ATP8A1: variants seen among roughly 807,000 people sequenced by gnomAD.
The protein encoded by ATP8A1 is ATPase phospholipid transporting 8A1.
ATP8A1 carries 90 observed loss-of-function variants against 177.7 expected under a neutral mutation model. That is an observed-to-expected ratio of 0.51 (90% CI 0.43 to 0.60). The LOEUF is 0.60. ATP8A1 is among the 20% of genes least tolerant of loss of function. The pLI is 0.00. For synonymous variants in ATP8A1, 493 were observed against 485.9 expected, an observed-to-expected ratio of 1.01 and a Z score of -0.19; for missense variants, 1,072 against 1,392.8, an observed-to-expected ratio of 0.77 and a Z score of 3.67.
intron 24 of ATP8A1, among the ~76,000 whole-genome samples, chr4:42,499,023 T>C (rs1387585224): frequency 2.0e-5 from 3 of 152,168 alleles, no homozygotes; most frequent in African/African-American, 7.2e-5. Flanking sequence ...CCCTATAAAG[T>C]CCTCAATCTA....
In ATP8A1 at chr4:42,616,029, C is replaced by G. The variant is rs1560522595; in HGVS notation, c.409+4G>C. ...TATGAGAAAAAAGCATGTAAAATTC[C>G]TACCTTGCGTTTGTTTCTTGTTCAC... On this transcript the variant is annotated splice_donor_region_variant and intron_variant, in intron 5 of 36. Transcript: ENST00000381668. 6.2e-7 allele frequency: 1 copy of G among 1,610,846 alleles called. No individual in the cohort carries two copies. Among genetic ancestry groups the G allele is most frequent in the East Asian group, 2.2e-5 (1 of 44,728 alleles).
At chr4:42,483,113 C>T (rs922455714) in intron 25 of ATP8A1, among the ~76,000 whole-genome samples, 1 of 152,076 alleles carries the variant, frequency 6.6e-6, no homozygotes, top group Non-Finnish European at 1.5e-5. Flanking sequence ...CTATTCCTAT[C>T]CAGGGATAGA....
intron 25 of ATP8A1, among the ~76,000 whole-genome samples, chr4:42,484,572 A>C (rs1252906950): frequency 6.6e-6 from 1 of 152,196 alleles, no homozygotes; most frequent in African/African-American, 2.4e-5. Flanking sequence ...ATTTAAGTGA[A>C]TAAACCCAGA....
chr4:42,645,060 T>G (rs933087635), intron 1 of ATP8A1, among the ~76,000 whole-genome samples: 4 of 152,148 alleles, frequency 2.6e-5, no homozygotes, highest in Non-Finnish European at 5.9e-5. Flanking sequence ...GTAATGACAC[T>G]GCAGAAAAGC....
intron 22 of ATP8A1, among the ~76,000 whole-genome samples, chr4:42,512,862 G>A (rs1168405297): frequency 6.6e-6 from 1 of 152,184 alleles, no homozygotes; most frequent in East Asian, 1.9e-4. Context: ...TATGAGAACT[G>A]CTGATCTAGA....
chr4:42,504,486 C>T (rs780391799), intron 23 of ATP8A1, among the ~76,000 whole-genome samples: 28 of 152,230 alleles, frequency 1.8e-4, no homozygotes, highest in African/African-American at 4.1e-4. Context: ...TTCTCTCATA[C>T]TCTACATCTA....
rs545567007 is a variant in ATP8A1 at position 42,422,727 on chromosome 4, C to G, written c.3305+80G>C. On this transcript the variant is annotated intron_variant, in intron 35 of 36. Transcript: ENST00000381668. ...CAGCTTGATGCTGACAAATACAAGT[C>G]TTATCACTTATTTCCAACCACTAGT... 3.6e-6 allele frequency: 4 copies of G among 1,119,342 alleles called. No individual in the cohort carries two copies. The East Asian group carries it at 7.3e-5, about 20-fold the overall frequency. The allele number at this position is 1,119,342 out of a possible 1,614,324, so 69.3% of individuals were successfully genotyped here. A position where few individuals can be genotyped will look rare whatever the true frequency, so the allele number is the denominator to read the frequency against.
chr4:42,561,098 G>A (rs769833757), intron 15 of ATP8A1, among the ~76,000 whole-genome samples: 16 of 152,010 alleles, frequency 1.1e-4, no homozygotes, highest in Non-Finnish European at 2.4e-4. Flanking sequence ...TTGGCCTAAC[G>A]TAATTGAGTA....
chr4:42,641,502 C>A (rs1049546556), intron 1 of ATP8A1, among the ~76,000 whole-genome samples: 7 of 147,490 alleles, frequency 4.7e-5, no homozygotes, highest in Non-Finnish European at 1.1e-4. Flanking sequence ...TTTTAAATTT[C>A]TTTTTTTTTT....
At chr4:42,550,708 A>T (rs902129849) in intron 18 of ATP8A1, among the ~76,000 whole-genome samples, 1 of 152,132 alleles carries the variant, frequency 6.6e-6, no homozygotes, top group Admixed American at 6.6e-5. Context: ...GAGGTGGGAG[A>T]ATCACTTGGG....
chr4:42,556,668 T>A (rs1047915587), intron 15 of ATP8A1, among the ~76,000 whole-genome samples: 1 of 152,092 alleles, frequency 6.6e-6, no homozygotes, highest in Non-Finnish European at 1.5e-5. Flanking sequence ...CTTCATACGA[T>A]ATAAATGGAG....
At chr4:42,530,338 G>A (rs1455298121) in intron 20 of ATP8A1, among the ~76,000 whole-genome samples, 1 of 152,218 alleles carries the variant, frequency 6.6e-6, no homozygotes, top group African/African-American at 2.4e-5. Flanking sequence ...CCTGGTGGCA[G>A]ATTTTTGCAT....
At chr4:42,435,159 C>T (rs1159522070) in intron 33 of ATP8A1, among the ~76,000 whole-genome samples, 1 of 152,176 alleles carries the variant, frequency 6.6e-6, no homozygotes, top group Non-Finnish European at 1.5e-5. Flanking sequence ...GGCGTGGTGG[C>T]TCACGCCTGT....
intron 16 of ATP8A1, among the ~76,000 whole-genome samples, 195 bp from the exon 17 acceptor site, chr4:42,552,805 C>CCCGT (rs1314591147): frequency 2.6e-5 from 4 of 152,106 alleles, no homozygotes; most frequent in African/African-American, 9.7e-5. Flanking sequence ...CTGGTGAAAC[C>CCCGT]CCGTCTCTAC....
At chr4:42,521,517 G>A (rs573469955) in intron 22 of ATP8A1, among the ~76,000 whole-genome samples, 3 of 152,280 alleles carry the variant, frequency 2.0e-5, no homozygotes, top group African/African-American at 4.8e-5. Flanking sequence ...ATACAGCATC[G>A]ATCATAATGT....
intron 33 of ATP8A1, among the ~76,000 whole-genome samples, chr4:42,436,971 G>T (rs532060488): frequency 4.6e-5 from 7 of 152,224 alleles, no homozygotes; most frequent in African/African-American, 4.8e-5. Context: ...GACACCAAAG[G>T]GTTCAACAAA....
At chr4:42,647,238 A>C (rs1218399209) in intron 1 of ATP8A1, among the ~76,000 whole-genome samples, 1 of 152,216 alleles carries the variant, frequency 6.6e-6, no homozygotes, top group East Asian at 1.9e-4. Context: ...ATTTCTAACA[A>C]GCTTACTTTG....
intron 1 of ATP8A1, among the ~76,000 whole-genome samples, chr4:42,648,273 G>T (rs1740741206): frequency 6.6e-6 from 1 of 151,880 alleles, no homozygotes; most frequent in African/African-American, 2.4e-5. Context: ...AAAGCAAATG[G>T]GACAGCTAAG....
rs755825827 is a variant in ATP8A1 at position 42,589,763 on chromosome 4, CTGA to C, written c.524+1045_524+1047del. 5.6e-4 allele frequency among the ~76,000 whole-genome samples: 85 copies of C among 151,984 alleles called. No individual in the cohort carries two copies. In the Middle Eastern group the frequency reaches 0.017, roughly 30 times the overall value. On this transcript the variant is annotated intron_variant, in intron 7 of 36. Coordinates refer to ENST00000381668, the MANE Select transcript of ATP8A1 (RefSeq NM_006095.2). Reference sequence around the variant, plus strand: ...TAGTTTATGAATTTATAAAACACACCTGATAATATAGAAGCACGATGACAAAGA... The same window carrying C: ...TAGTTTATGAATTTATAAAACACACCTAATATAGAAGCACGATGACAAAGA...
Sources: allele counts gnomAD v4.1 joint callset (sites outside exome capture counted in the v4.1 genomes callset), GRCh38; gene constraint gnomAD v4.1.1; transcripts MANE v1.5; gene names NCBI Gene and HGNC (gene_info 2026-07-23, HGNC 2026-07-21).